The following OSBPL6 variants were observed in gnomAD, a reference collection of about 807,000 sequenced individuals.
OSBPL6 encodes oxysterol binding protein like 6, also known as oxysterol-binding protein-related protein 6.
Under a neutral mutation model 125.8 loss-of-function variants are expected in OSBPL6, and 49 were observed. The observed-to-expected ratio is 0.39, with a 90% CI of 0.31 to 0.49. The LOEUF is 0.49. Among genes scored for constraint, OSBPL6 ranks in the 20% least tolerant of loss-of-function variants. OSBPL6 has a pLI of 0.88. For synonymous variants in OSBPL6, 394 were observed against 391.8 expected, an observed-to-expected ratio of 1.01 and a Z score of -0.07; for missense variants, 986 against 1,135.4, an observed-to-expected ratio of 0.87 and a Z score of 1.89.
At chr2:178,371,701 C>A (rs1237432673) in intron 13 of OSBPL6, among the ~76,000 whole-genome samples, 1 of 152,092 alleles carries the variant, frequency 6.6e-6, no homozygotes, top group Admixed American at 6.6e-5. Flanking sequence ...TTTAAGATAA[C>A]TACCCAGCTT....
chr2:178,199,225 C>G (rs908290096), intron 1 of OSBPL6, among the ~76,000 whole-genome samples: 2 of 152,136 alleles, frequency 1.3e-5, no homozygotes, highest in Admixed American at 1.3e-4. Flanking sequence ...CAAATGAGAG[C>G]TTTCATGTGT....
At position 178,324,242 on chromosome 2, in the gene OSBPL6, A is replaced by T. The variant is rs139165373; in HGVS notation, c.168A>T (p.Leu56=). The T allele has an allele frequency of 3.8e-6, 6 of 1,578,086 alleles. No homozygotes were observed. Among genetic ancestry groups the T allele is most frequent in the Non-Finnish European group, 1.7e-6 (2 of 1,156,146 alleles). The change falls in exon 4 of 25, where the codon CTA becomes CTT. Residue 56 remains leucine, a synonymous_variant. Coordinates refer to ENST00000190611, the MANE Select transcript of OSBPL6 (RefSeq NM_032523.4). ...AGCCCTCTGTAAGTCGGCAATTGCT[A>T]GAACCGGAGCCAGTCCCCCTCTCCA... The part of the protein sequence containing the change: ...STEPSVSRQL[L]EPEPVPLSKE...
At chr2:178,278,960 CCTT>C (rs1466455371) in intron 1 of OSBPL6, among the ~76,000 whole-genome samples, 8 of 152,178 alleles carry the variant, frequency 5.3e-5, no homozygotes, top group African/African-American at 1.7e-4. Flanking sequence ...TAAGACCAAT[CCTT>C]CTTTGTAGAA....
At position 178,390,214 on chromosome 2, in the gene OSBPL6, T is replaced by C. The variant is rs576050456; in HGVS notation, c.2302-859T>C. ...ATTTCTTTGCCTTGACAAATACACT[T>C]TTTATAACAAAGCCTGTGAGGCCAG... On this transcript the variant is annotated intron_variant, in intron 21 of 24. Transcript: ENST00000190611. Among the ~76,000 whole-genome samples, 4 of 152,320 alleles carry C rather than the reference T, an allele frequency of 2.6e-5. No homozygotes were observed. In the South Asian group the frequency reaches 8.3e-4, roughly 32 times the overall value.
At position 178,328,231 on chromosome 2, in the gene OSBPL6, A is replaced by C. The variant is rs1688869332; in HGVS notation, c.196-25A>C. ...GTCATCAGGCACTGAGTAACATGTG[A>C]TTTGTTTTTCTTCTTTTCTCTCAGG... On this transcript the variant is annotated intron_variant, in intron 4 of 24. Coordinates refer to ENST00000190611, the MANE Select transcript of OSBPL6 (RefSeq NM_032523.4). 7 of 1,611,994 alleles carry C rather than the reference A, an allele frequency of 4.3e-6. No individual in the cohort carries two copies. The East Asian group carries it at 1.6e-4, about 36-fold the overall frequency.
At chr2:178,274,527 A>G (rs2092432580) in intron 1 of OSBPL6, among the ~76,000 whole-genome samples, 2 of 152,190 alleles carry the variant, frequency 1.3e-5, no homozygotes, top group African/African-American at 4.8e-5. Context: ...AACAGAAGCT[A>G]TGTAACTTGC....
chr2:178,195,775 T>C (rs2088849503), intron 1 of OSBPL6, among the ~76,000 whole-genome samples: 1 of 151,856 alleles, frequency 6.6e-6, no homozygotes, highest in South Asian at 2.1e-4. Flanking sequence ...CTGGGCTAAG[T>C]TTAGCCAATT....
rs1305268174 is a variant in OSBPL6, at chr2:178,336,270, T to G, written c.658-31T>G. On this transcript the variant is annotated intron_variant, in intron 8 of 24. Transcript: ENST00000190611. ...TTAATCATTGAAATGTACTGTTTCA[T>G]AACCATACAATTCATCTTTGTTTGC... The G allele has an allele frequency of 1.9e-6, 3 of 1,609,200 alleles. 1 individual carries two copies. The highest frequency in any genetic ancestry group is 2.5e-6 in the Non-Finnish European group (3 of 1,177,418).
At chr2:178,360,526 T>C (rs1247984140) in intron 12 of OSBPL6, among the ~76,000 whole-genome samples, 1 of 152,228 alleles carries the variant, frequency 6.6e-6, no homozygotes, top group African/African-American at 2.4e-5. Flanking sequence ...ACTACTTATA[T>C]GTATCTTATA....
chr2:178,295,896 A>C (rs537155252), intron 2 of OSBPL6, among the ~76,000 whole-genome samples: 35 of 152,328 alleles, frequency 2.3e-4, no homozygotes, highest in African/African-American at 7.9e-4. Context: ...CCATTTAGGA[A>C]TATATACAGG....
At chr2:178,324,845 A>T (rs1447643773) in intron 4 of OSBPL6, among the ~76,000 whole-genome samples, 3 of 152,238 alleles carry the variant, frequency 2.0e-5, no homozygotes, top group African/African-American at 7.2e-5. Flanking sequence ...ATTCAAACTT[A>T]GACTTGTCCA....
Position 178,397,250 on chromosome 2 carries a change from T to A in OSBPL6, c.*1691T>A, listed in dbSNP as rs1418059957. On this transcript the variant is annotated 3_prime_UTR_variant, in exon 25 of 25. Transcript: ENST00000190611. ...CCAAAACTCCTCCCTTGCATCTGAGTTTTTATGTTATGTGTACAGTCTGCA... is the reference window on the plus strand; with the variant it reads ...CCAAAACTCCTCCCTTGCATCTGAGATTTTATGTTATGTGTACAGTCTGCA... 1.3e-5 allele frequency: 2 copies of A among 152,152 alleles called. No individual in the cohort carries two copies. Among genetic ancestry groups the A allele is most frequent in the African/African-American group, 4.8e-5 (2 of 41,422 alleles). The allele number at this position is 152,152 out of a possible 1,614,324, so 9.4% of individuals were successfully genotyped here.
In OSBPL6 at chr2:178,328,334, T is replaced by C. The variant is rs761670030; in HGVS notation, c.274T>C (p.Phe92Leu). 2.5e-6 allele frequency: 4 copies of C among 1,613,794 alleles called. No homozygotes were observed. In the African/African-American group the frequency reaches 5.3e-5, roughly 22 times the overall value. Residue 92 changes from phenylalanine (F) to leucine (L), a missense_variant, in exon 5 of 25, where the codon TTT becomes CTT. By Grantham distance (22) the Phe-to-Leu change is conservative. Transcript: ENST00000190611. ...CCAGAAACCAGACAAACATGAGGGC[T>C]TTATGCTGAAGAAAAGAAAATGGCC... ...NVQKPDKHEG[F>L]MLKKRKWPLK... is the part of the protein sequence containing the mutation.
chr2:178,352,276 G>T (rs1691332045), intron 12 of OSBPL6, among the ~76,000 whole-genome samples: 2 of 152,138 alleles, frequency 1.3e-5, no homozygotes, highest in East Asian at 3.9e-4. Flanking sequence ...GCCAAAGCAG[G>T]GCAGGGCGTT....
intron 3 of OSBPL6, among the ~76,000 whole-genome samples, chr2:178,321,087 G>A (rs1373686193): frequency 6.6e-6 from 1 of 152,166 alleles, no homozygotes; most frequent in African/African-American, 2.4e-5. Context: ...GGAGGCGGAG[G>A]TTGTAGTGAG....
chr2:178,316,653 A>G (rs775804263), intron 3 of OSBPL6, among the ~76,000 whole-genome samples: 29 of 152,226 alleles, frequency 1.9e-4, no homozygotes, highest in Admixed American at 1.6e-3. Flanking sequence ...CTACAACACA[A>G]CAATCAAAAT....
intron 1 of OSBPL6, among the ~76,000 whole-genome samples, chr2:178,203,938 G>C (rs1297269616): frequency 6.6e-6 from 1 of 151,982 alleles, no homozygotes; most frequent in African/African-American, 2.4e-5. Context: ...GTCATCTCTA[G>C]TGCGTTCTAG....
intron 15 of OSBPL6, among the ~76,000 whole-genome samples, chr2:178,382,211 A>G (rs915033996): frequency 1.3e-5 from 2 of 152,212 alleles, no homozygotes; most frequent in East Asian, 1.9e-4. Context: ...TACTAAGATA[A>G]GGAGCTAAAG....
Position 178,324,175 on chromosome 2 carries a change from A to T in OSBPL6, c.103-2A>T. 1 of 1,515,028 alleles carries T rather than the reference A, an allele frequency of 6.6e-7. No individual in the cohort carries two copies. The highest frequency in any genetic ancestry group is 9.0e-7 in the Non-Finnish European group (1 of 1,109,432). 93.8% of individuals were successfully genotyped at this position (1,515,028 alleles called of 1,614,324 possible). Reference sequence around the variant, plus strand: ...CTGGGCTATGTTTTCATTTATTTTCAGAGTATTCACATACTGGAGAGGACT... The same window carrying T: ...CTGGGCTATGTTTTCATTTATTTTCTGAGTATTCACATACTGGAGAGGACT... On this transcript the variant is annotated splice_acceptor_variant, in intron 3 of 24. Transcript: ENST00000190611. LOFTEE classifies it high-confidence loss of function.
Sources: allele counts gnomAD v4.1 joint callset (sites outside exome capture counted in the v4.1 genomes callset), GRCh38; gene constraint gnomAD v4.1.1; transcripts MANE v1.5; gene names NCBI Gene and HGNC (gene_info 2026-07-23, HGNC 2026-07-21).